Variants in CRTC1 observed in about 807,000 individuals in gnomAD.
CRTC1 encodes the protein CREB regulated transcription coactivator 1.
A neutral mutation model predicts 66.1 loss-of-function variants in CRTC1; 18 were observed. That is an observed-to-expected ratio of 0.27 (90% CI 0.19 to 0.40). CRTC1 has a LOEUF of 0.40. Ranked by LOEUF, CRTC1 falls within the 10% of genes least tolerant of loss-of-function variation. The probability of loss-of-function intolerance (pLI) is 1.00; values close to 1 mark genes in which losing one functional copy is unlikely to be tolerated. For missense variants in CRTC1, 669 were observed against 887.9 expected (o/e 0.75, Z 3.13); for synonymous variants, 416 against 398.8 (o/e 1.04, Z -0.51).
At chr19:18,725,555 C>T (rs1308634143) in intron 1 of CRTC1, among the ~76,000 whole-genome samples, 1 of 152,170 alleles carries the variant, frequency 6.6e-6, no homozygotes, top group South Asian at 2.1e-4. Context: ...GGCATCAGTG[C>T]CAGACCTGTG....
At chr19:18,727,728 T>C (rs2053794388) in intron 1 of CRTC1, among the ~76,000 whole-genome samples, 1 of 151,924 alleles carries the variant, frequency 6.6e-6, no homozygotes, top group African/African-American at 2.4e-5. Context: ...TTTTATTTTA[T>C]TTTTATTTTT....
chr19:18,740,664 G>A (rs1026975560), intron 1 of CRTC1, among the ~76,000 whole-genome samples: 1 of 152,138 alleles, frequency 6.6e-6, no homozygotes, highest in African/African-American at 2.4e-5. Flanking sequence ...CCCTTTTGCT[G>A]TACAACTCCT....
intron 2 of CRTC1, among the ~76,000 whole-genome samples, chr19:18,745,130 G>C (rs1235891048): frequency 6.6e-6 from 1 of 152,184 alleles, no homozygotes; most frequent in Non-Finnish European, 1.5e-5. Context: ...CAGGGCCTGG[G>C]GAGGGCCAGC....
intron 8 of CRTC1, among the ~76,000 whole-genome samples, chr19:18,762,692 A>G (rs2054641881): frequency 6.6e-6 from 1 of 152,270 alleles, no homozygotes; most frequent in South Asian, 2.1e-4. Context: ...TGCCCGCTCC[A>G]GACTTCCCCT....
At chr19:18,749,920 C>A (rs772264869) in intron 5 of CRTC1, 45 bp downstream of exon 5, 1 of 1,490,246 alleles carries the variant, frequency 6.7e-7, no homozygotes, top group Non-Finnish European at 9.4e-7. Context: ...TGAGGCAAGT[C>A]CAGCAGGTAA....
intron 1 of CRTC1, among the ~76,000 whole-genome samples, chr19:18,733,397 C>T (rs942927533): frequency 4.6e-5 from 7 of 152,228 alleles, no homozygotes; most frequent in African/African-American, 7.2e-5. Flanking sequence ...AACGTGCTCA[C>T]GGCAGACCCT....
rs1601040089 is a variant in CRTC1, at chr19:18,780,098, T to C, written c.*2716T>C. 1.3e-5 allele frequency: 3 copies of C among 231,816 alleles called. No individual in the cohort carries two copies. Among genetic ancestry groups the C allele is most frequent in the South Asian group, 1.8e-4 (1 of 5,516 alleles). The allele number at this position is 231,816 out of a possible 1,614,324, so 14.4% of individuals were successfully genotyped here. On this transcript the variant is annotated 3_prime_UTR_variant, in exon 14 of 14. Transcript: ENST00000321949. The stretch of plus-strand genomic sequence containing the variant: ...CTTTTGCTTTGTGATGTGAAAATAC[T>C]GTGATTTGACGAGCCGCTTCCTGAG...
rs572277839 is a variant in CRTC1 at position 18,779,644 on chromosome 19, G to A, written c.*2262G>A. ...ATACCCCATCCGTCCAACCTCCGGC[G>A]GGCGCCACTGCTTGTCCTCTGGTCT... On this transcript the variant is annotated 3_prime_UTR_variant, in exon 14 of 14. Transcript: ENST00000321949. The A allele has an allele frequency of 2.2e-5, 5 of 223,490 alleles. No homozygotes were observed. In the South Asian group the frequency reaches 9.2e-4, roughly 41 times the overall value. The allele number at this position is 223,490 out of a possible 1,614,324, so 13.8% of individuals were successfully genotyped here.
At chr19:18,745,075 G>C (rs967741082) in intron 2 of CRTC1, among the ~76,000 whole-genome samples, 2 of 152,196 alleles carry the variant, frequency 1.3e-5, no homozygotes, top group African/African-American at 4.8e-5. Flanking sequence ...CACAGGGTCA[G>C]GGCGGGCTCC....
Position 18,725,804 on chromosome 19 carries a change from G to A in CRTC1, c.127-17106G>A, listed in dbSNP as rs143632192. ...ACAGCCTGCATGGTCTCCCTCTCCT[G>A]GCTTACAGGGTCCGCCTCGGCCCTC... On this transcript the variant is annotated intron_variant, in intron 1 of 13. Coordinates refer to ENST00000321949, the MANE Select transcript of CRTC1 (RefSeq NM_015321.3). 1.5e-3 allele frequency among the ~76,000 whole-genome samples: 227 copies of A among 152,276 alleles called. 4 individuals are homozygous for A. In the South Asian group the frequency reaches 0.036, roughly 24 times the overall value.
intron 9 of CRTC1, among the ~76,000 whole-genome samples, chr19:18,767,545 G>A (rs935341755): frequency 2.0e-5 from 3 of 152,148 alleles, no homozygotes; most frequent in African/African-American, 4.8e-5. Flanking sequence ...CACCTACAAC[G>A]AAGTTAATGG....
At chr19:18,703,556 A>G (rs1256497275) in intron 1 of CRTC1, among the ~76,000 whole-genome samples, 2 of 151,978 alleles carry the variant, frequency 1.3e-5, no homozygotes, top group African/African-American at 4.8e-5. Context: ...TCCACCTCCC[A>G]GGTTCAAGCG....
intron 10 of CRTC1, among the ~76,000 whole-genome samples, chr19:18,769,751 C>T (rs2054820108): frequency 6.6e-6 from 1 of 152,130 alleles, no homozygotes; most frequent in Non-Finnish European, 1.5e-5. Flanking sequence ...GCAGGGACGG[C>T]CCTTCTAGGG....
chr19:18,753,193 G>A (rs893957990), intron 5 of CRTC1, among the ~76,000 whole-genome samples: 14 of 151,872 alleles, frequency 9.2e-5, no homozygotes, highest in African/African-American at 4.8e-5. Context: ...GGAGAATGGC[G>A]TGAACCCGGG....
At position 18,777,483 on chromosome 19, in the gene CRTC1, C is replaced by G. The variant is rs1241349705; in HGVS notation, c.*101C>G. ...CTCGCCAACGGCCGAGCTTGTGATT[C>G]TGAGCTTGCAATGCCGCCAAGCGCC... On this transcript the variant is annotated 3_prime_UTR_variant, in exon 14 of 14. Transcript: ENST00000321949. The surrounding 1 kb of genome is among the most constrained non-coding windows in gnomAD (Gnocchi z 5.5). 3.4e-6 allele frequency: 4 copies of G among 1,164,654 alleles called. No individual in the cohort carries two copies. The African/African-American group carries it at 6.0e-5, about 18-fold the overall frequency. The allele number at this position is 1,164,654 out of a possible 1,614,324, so 72.1% of individuals were successfully genotyped here.
At chr19:18,692,946 G>A (rs921675641) in intron 1 of CRTC1, among the ~76,000 whole-genome samples, 36 of 151,682 alleles carry the variant, frequency 2.4e-4, no homozygotes, top group African/African-American at 6.5e-4. Flanking sequence ...ATGGTGGCAC[G>A]TGCCTGTAGT....
In CRTC1 at chr19:18,693,074, C is replaced by CAAAAA. The variant is rs71168762; in HGVS notation, c.126+9262_126+9266dup. On this transcript the variant is annotated intron_variant, in intron 1 of 13. Transcript: ENST00000321949. The stretch of plus-strand genomic sequence containing the variant: ...TGGGCGACAGAGCGAGACTCCGTCT[C>CAAAAA]AAAAAAAAAAAAAAAAAAAAGAAAT... Among the ~76,000 whole-genome samples the CAAAAA allele has an allele frequency of 1.3e-3, 87 of 69,322 alleles. 1 individual carries two copies. Among genetic ancestry groups the CAAAAA allele is most frequent in the African/African-American group, 4.9e-3 (81 of 16,590 alleles). 45.5% of individuals were successfully genotyped at this position (69,322 alleles called of 152,430 possible).
At position 18,702,096 on chromosome 19, in the gene CRTC1, T is replaced by C. The variant is rs569989616; in HGVS notation, c.126+18268T>C. On this transcript the variant is annotated intron_variant, in intron 1 of 13. Transcript: ENST00000321949. ...GTACCACCACACCCGGCTAATTTTG[T>C]ATTGTTAATAGAGATGGGGTTTCTC... Among the ~76,000 whole-genome samples, 100 of 151,920 alleles carry C rather than the reference T, an allele frequency of 6.6e-4. 1 individual carries two copies. The highest frequency in any genetic ancestry group is 2.3e-3 in the African/African-American group (97 of 41,432).
In CRTC1 at chr19:18,700,046, C is replaced by T. The variant is rs573775070; in HGVS notation, c.126+16218C>T. On this transcript the variant is annotated intron_variant, in intron 1 of 13. Transcript: ENST00000321949. ...GAGCCTGATTCCCCAGGAGGGTTGG[C>T]GACGGGAGGGTTATGTTAAGTGGCT... 1.6e-4 allele frequency among the ~76,000 whole-genome samples: 25 copies of T among 152,244 alleles called. No individual in the cohort carries two copies. In the South Asian group the frequency reaches 5.0e-3, roughly 30 times the overall value.
Sources: gnomAD v4.1 joint callset for allele counts (sites outside exome capture counted in the v4.1 genomes callset) on GRCh38, gnomAD v4.1.1 for gene constraint, Gnocchi (gnomAD v3.1) non-coding constraint, MANE v1.5 for transcripts, NCBI Gene and HGNC (gene_info 2026-07-23, HGNC 2026-07-21) for gene names.